Variants in ENKUR observed in about 807,000 individuals in gnomAD.
ENKUR encodes enkurin, TRPC channel interacting protein.
A neutral mutation model predicts 27.6 loss-of-function variants in ENKUR; 19 were observed. That is an observed-to-expected ratio of 0.69 (90% CI 0.48 to 1.01). The LOEUF (loss-of-function observed/expected upper bound fraction) is 1.01. Ranked by LOEUF, ENKUR falls within the 50% of genes least tolerant of loss-of-function variation. ENKUR has a pLI of 0.00. For synonymous variants in ENKUR, 117 were observed against 96.9 expected, an observed-to-expected ratio of 1.21 and a Z score of -1.22; for missense variants, 312 against 310.5, an observed-to-expected ratio of 1.00 and a Z score of -0.04.
chr10:25,035,158 G>T (rs1850992816), intron 2 of ENKUR, among the ~76,000 whole-genome samples: 1 of 152,206 alleles, frequency 6.6e-6, no homozygotes, highest in Admixed American at 6.5e-5. Flanking sequence ...AGTGCCAAGT[G>T]AATGGTCTAG....
At chr10:25,021,809 T>G (rs775844758) in intron 2 of ENKUR, 7 of 152,130 alleles carry the variant, frequency 4.6e-5, no homozygotes, top group Non-Finnish European at 8.8e-5. Context: ...TTCCGGTGTG[T>G]CCTATGTTTA....
chr10:24,992,809 C>G (rs1035651822), intron 3 of ENKUR, among the ~76,000 whole-genome samples: 2 of 152,210 alleles, frequency 1.3e-5, no homozygotes, highest in African/African-American at 4.8e-5. Flanking sequence ...CTGGAAGCTG[C>G]AGAGGACAAT....
At chr10:25,038,883 A>G (rs1851034290) in intron 2 of ENKUR, among the ~76,000 whole-genome samples, 3 of 152,204 alleles carry the variant, frequency 2.0e-5, no homozygotes, top group Admixed American at 2.0e-4. Flanking sequence ...TAGGACTTGG[A>G]ATGAGAAAGA....
chr10:25,022,965 A>AT (rs1268011605), intron 2 of ENKUR, among the ~76,000 whole-genome samples: 1 of 152,162 alleles, frequency 6.6e-6, no homozygotes, highest in African/African-American at 2.4e-5. Flanking sequence ...GTGTCTTGAG[A>AT]TTTTAAAAGA....
chr10:25,055,360 C>T (rs1474029279), intron 2 of ENKUR, among the ~76,000 whole-genome samples: 2 of 151,898 alleles, frequency 1.3e-5, no homozygotes, highest in East Asian at 1.9e-4. Context: ...AGTTTTCAGC[C>T]TTCACTGGTA....
At chr10:24,986,455 C>A (rs1473356820) in intron 4 of ENKUR, among the ~76,000 whole-genome samples, 2 of 152,144 alleles carry the variant, frequency 1.3e-5, no homozygotes, top group Non-Finnish European at 2.9e-5. Context: ...ACAGTGTATG[C>A]GATGTATTCC....
chr10:25,043,406 T>A (rs1851085994), intron 2 of ENKUR, among the ~76,000 whole-genome samples: 1 of 152,178 alleles, frequency 6.6e-6, no homozygotes, highest in Non-Finnish European at 1.5e-5. Context: ...AATTGTTGAA[T>A]CTCTAATTAA....
At chr10:25,013,345 C>G (rs1360309701) in intron 1 of ENKUR, among the ~76,000 whole-genome samples, 1 of 152,142 alleles carries the variant, frequency 6.6e-6, no homozygotes, top group Admixed American at 6.5e-5. Context: ...ATAAAAGATT[C>G]AAATGCAAAA....
intron 2 of ENKUR, among the ~76,000 whole-genome samples, chr10:25,052,974 G>C (rs548555064): frequency 1.7e-4 from 26 of 151,582 alleles, no homozygotes; most frequent in African/African-American, 3.4e-4. Context: ...TCACCATGTT[G>C]GTTGGGCTGG....
At chr10:25,037,029 A>G (rs2130464904) in intron 2 of ENKUR, among the ~76,000 whole-genome samples, 1 of 152,304 alleles carries the variant, frequency 6.6e-6, no homozygotes, top group East Asian at 1.9e-4. Flanking sequence ...TGACAGTTAC[A>G]CCGGCAAATT....
chr10:24,995,431 T>C (rs533120371), intron 3 of ENKUR, among the ~76,000 whole-genome samples: 2 of 152,340 alleles, frequency 1.3e-5, no homozygotes, highest in South Asian at 2.1e-4. Context: ...CAATAACTTT[T>C]ATCTACTGAA....
At chr10:25,025,917 G>T in intron 2 of ENKUR, 1 of 165,428 alleles carries the variant, frequency 6.0e-6, no homozygotes. Flanking sequence ...ATTTGGGCCA[G>T]TGTTTTTTGT....
At chr10:25,033,123 CAAAA>C (rs990053483) in intron 2 of ENKUR, among the ~76,000 whole-genome samples, 1 of 151,914 alleles carries the variant, frequency 6.6e-6, no homozygotes, top group African/African-American at 2.4e-5. Context: ...CAAAAACAAA[CAAAA>C]ATCTTTGTTC....
chr10:25,022,123 T>G (rs1850730780), intron 2 of ENKUR, among the ~76,000 whole-genome samples: 1 of 152,162 alleles, frequency 6.6e-6, no homozygotes. Flanking sequence ...TTCAGGCAAT[T>G]TACATGAACA....
chr10:24,988,390 A>G (rs1220114636), intron 4 of ENKUR, among the ~76,000 whole-genome samples: 1 of 145,502 alleles, frequency 6.9e-6, no homozygotes, highest in Non-Finnish European at 1.5e-5. Flanking sequence ...ATATGTGTAT[A>G]TATTTATATA....
At chr10:25,054,513 C>CTTTCTTTT (rs1554774507) in intron 2 of ENKUR, among the ~76,000 whole-genome samples, 15 of 71,286 alleles carry the variant, frequency 2.1e-4, no homozygotes, top group African/African-American at 6.7e-4. Flanking sequence ...TTCTTTCTTT[C>CTTTCTTTT]CTTTCTTTCT....
In ENKUR at chr10:24,984,345, A is replaced by G. The variant is rs773490225; in HGVS notation, c.*25T>C. On this transcript the variant is annotated 3_prime_UTR_variant, in exon 6 of 6. Coordinates refer to ENST00000331161, the MANE Select transcript of ENKUR (RefSeq NM_145010.4). Reference sequence around the variant, plus strand: ...CTATTTCCAGTTCAAAATACTTAACAGTTTTCAAAGTTGTGCTGTTGGTAT... The same window carrying G: ...CTATTTCCAGTTCAAAATACTTAACGGTTTTCAAAGTTGTGCTGTTGGTAT... The G allele has an allele frequency of 1.2e-5, 18 of 1,564,352 alleles. No homozygotes were observed. The highest frequency in any genetic ancestry group is 1.6e-5 in the Non-Finnish European group (18 of 1,146,486).
rs562654911 is a variant in ENKUR, at chr10:25,052,428, C to T, written c.37+8684G>A. Among the ~76,000 whole-genome samples the T allele has an allele frequency of 2.4e-3, 367 of 152,232 alleles. 3 individuals carry two copies. The highest frequency in any genetic ancestry group is 6.8e-3 in the Middle Eastern group (2 of 294). On this transcript the variant is annotated intron_variant, in intron 2 of 5. Transcript: ENST00000615958. ...AGATATATAATGTTGACTGACATTT[C>T]TAAATCCTCAGGAATAGTCACCTAG...
intron 2 of ENKUR, among the ~76,000 whole-genome samples, chr10:25,030,788 T>G (rs1315452555): frequency 6.6e-6 from 1 of 152,190 alleles, no homozygotes; most frequent in Admixed American, 6.5e-5. Flanking sequence ...TTTGGACACC[T>G]TAAAGTGATC....
Sources: gnomAD v4.1 joint callset for allele counts (sites outside exome capture counted in the v4.1 genomes callset) on GRCh38, gnomAD v4.1.1 for gene constraint, MANE v1.5 for transcripts, NCBI Gene and HGNC (gene_info 2026-07-23, HGNC 2026-07-21) for gene names.